The following PIBF1 variants were observed in gnomAD, a reference collection of about 807,000 sequenced individuals.
PIBF1 encodes the protein progesterone immunomodulatory binding factor 1.
PIBF1 carries 90 observed loss-of-function variants against 112.5 expected under a neutral mutation model. That is an observed-to-expected ratio of 0.80 (90% CI 0.67 to 0.95). PIBF1 has a LOEUF of 0.95. Among genes scored for constraint, PIBF1 ranks in the 40% least tolerant of loss-of-function variants. The pLI, the probability that PIBF1 is intolerant of heterozygous loss-of-function variation, is 0.00. For missense variants in PIBF1, 915 were observed against 852.3 expected (o/e 1.07, Z -0.92); for synonymous variants, 301 against 288.6 (o/e 1.04, Z -0.44).
chr13:72,819,914 C>T (rs764059680), intron 5 of PIBF1, among the ~76,000 whole-genome samples: 11 of 151,936 alleles, frequency 7.2e-5, no homozygotes, highest in South Asian at 2.1e-4. Context: ...ATTGTTTCTG[C>T]GAATACTCCT....
At chr13:72,786,305 T>C (rs1304364028) in intron 2 of PIBF1, among the ~76,000 whole-genome samples, 1 of 152,206 alleles carries the variant, frequency 6.6e-6, no homozygotes, top group Non-Finnish European at 1.5e-5. Context: ...TGACACATAA[T>C]CATCATTGAT....
chr13:72,892,161 T>G (rs2040083100), intron 10 of PIBF1, among the ~76,000 whole-genome samples: 1 of 152,080 alleles, frequency 6.6e-6, no homozygotes, highest in Non-Finnish European at 1.5e-5. Context: ...AAGAGTGAAT[T>G]TTATGGTATA....
intron 16 of PIBF1, among the ~76,000 whole-genome samples, chr13:72,993,406 A>G (rs2043542873): frequency 6.6e-6 from 1 of 152,214 alleles, no homozygotes; most frequent in Non-Finnish European, 1.5e-5. Context: ...AATAAAGTAT[A>G]AGTAAAACTG....
chr13:72,879,972 A>G (rs537415105), intron 10 of PIBF1, among the ~76,000 whole-genome samples: 1 of 152,190 alleles, frequency 6.6e-6, no homozygotes, highest in African/African-American at 2.4e-5. Context: ...TTGGCCCACA[A>G]AGCCTAAAAT....
intron 10 of PIBF1, among the ~76,000 whole-genome samples, chr13:72,865,179 T>C (rs898377874): frequency 6.6e-6 from 1 of 152,172 alleles, no homozygotes; most frequent in African/African-American, 2.4e-5. Flanking sequence ...ATATATGATG[T>C]ATCCTAGATA....
chr13:72,875,444 G>A lies in PIBF1; in HGVS notation c.1323-18340G>A, dbSNP rs1254929898. ...AAGAGTGTGATCTTATGGTAAGAGT[G>A]CTTAGTTTTGTAAGAAACCACGAAA... is the stretch of plus-strand genomic sequence containing the variant. On this transcript the variant is annotated intron_variant, in intron 10 of 17. Coordinates refer to ENST00000326291, the MANE Select transcript of PIBF1 (RefSeq NM_006346.4). 6.6e-5 allele frequency among the ~76,000 whole-genome samples: 10 copies of A among 152,038 alleles called. No individual in the cohort carries two copies. In the East Asian group the frequency reaches 1.5e-3, roughly 23 times the overall value.
chr13:72,822,172 A>T (rs1023893150), intron 6 of PIBF1, among the ~76,000 whole-genome samples, 190 bp downstream of exon 6: 8 of 152,104 alleles, frequency 5.3e-5, no homozygotes, highest in African/African-American at 1.7e-4. Flanking sequence ...TTTTATTTAG[A>T]TGTCACTGCT....
intron 5 of PIBF1, among the ~76,000 whole-genome samples, chr13:72,807,362 G>A (rs1165930989): frequency 2.0e-5 from 3 of 152,136 alleles, no homozygotes; most frequent in Non-Finnish European, 4.4e-5. Context: ...ATCACCTGAT[G>A]TCAAGAGTTT....
At chr13:72,897,702 G>T (rs758046741) in intron 11 of PIBF1, among the ~76,000 whole-genome samples, 17 of 152,202 alleles carry the variant, frequency 1.1e-4, no homozygotes, top group Non-Finnish European at 2.2e-4. Flanking sequence ...AGCAACAGTG[G>T]TTAAAAGAGA....
intron 8 of PIBF1, among the ~76,000 whole-genome samples, chr13:72,830,647 T>G (rs2037061955): frequency 2.0e-5 from 3 of 152,210 alleles, no homozygotes. Context: ...GTGGATAAGC[T>G]TTTTCATGTG....
At chr13:72,865,499 A>ATCTATCAT (rs1321464816) in intron 10 of PIBF1, among the ~76,000 whole-genome samples, 1 of 152,196 alleles carries the variant, frequency 6.6e-6, no homozygotes, top group Non-Finnish European at 1.5e-5. Context: ...TCAGTGGCCA[A>ATCTATCAT]TCTATCTACT....
intron 12 of PIBF1, among the ~76,000 whole-genome samples, chr13:72,914,845 G>A (rs1294590177): frequency 6.6e-6 from 1 of 152,120 alleles, no homozygotes; most frequent in Non-Finnish European, 1.5e-5. Context: ...CTCCCAAAAC[G>A]CTGGGATTAT....
At chr13:72,959,069 G>A (rs2042535397) in intron 14 of PIBF1, among the ~76,000 whole-genome samples, 1 of 152,096 alleles carries the variant, frequency 6.6e-6, no homozygotes, top group Non-Finnish European at 1.5e-5. Context: ...CGTGATCTCG[G>A]CTCACTGCAA....
rs190550853 is a variant in PIBF1 at position 72,928,570 on chromosome 13, G to T, written c.1731-2595G>T. Reference sequence around the variant, plus strand: ...TTCTCCTGCCTCAGCCTCCTCAGTTGCTGGGATTACAGGCGCCTGCCACCA... The same window carrying T: ...TTCTCCTGCCTCAGCCTCCTCAGTTTCTGGGATTACAGGCGCCTGCCACCA... On this transcript the variant is annotated intron_variant, in intron 13 of 17. Transcript: ENST00000326291. Among the ~76,000 whole-genome samples, 127 of 152,272 alleles carry T rather than the reference G, an allele frequency of 8.3e-4. 1 individual carries two copies. The highest frequency in any genetic ancestry group is 2.1e-4 in the Non-Finnish European group (14 of 68,014).
chr13:72,853,484 T>C (rs2038265203), intron 9 of PIBF1, among the ~76,000 whole-genome samples: 1 of 152,214 alleles, frequency 6.6e-6, no homozygotes, highest in Non-Finnish European at 1.5e-5. Flanking sequence ...CTTGTACAAC[T>C]ATTACACTTT....
At chr13:72,886,621 T>C (rs1340550352) in intron 10 of PIBF1, among the ~76,000 whole-genome samples, 1 of 152,074 alleles carries the variant, frequency 6.6e-6, no homozygotes, top group Non-Finnish European at 1.5e-5. Flanking sequence ...ATGTTGTTTA[T>C]TTTATTAATG....
chr13:73,003,095 C>T (rs1011113130), intron 17 of PIBF1, among the ~76,000 whole-genome samples: 10 of 147,954 alleles, frequency 6.8e-5, no homozygotes, highest in African/African-American at 1.5e-4. Context: ...GGTGAGTTTA[C>T]GACGTAGTTC....
chr13:72,966,833 G>A (rs1315682740), intron 15 of PIBF1, among the ~76,000 whole-genome samples: 3 of 151,898 alleles, frequency 2.0e-5, no homozygotes, highest in Admixed American at 6.6e-5. Flanking sequence ...CGCTTGAACC[G>A]GGGAGACGGA....
At chr13:72,823,081 G>A (rs897691499) in intron 6 of PIBF1, among the ~76,000 whole-genome samples, 8 of 152,088 alleles carry the variant, frequency 5.3e-5, no homozygotes, top group African/African-American at 1.9e-4. Context: ...GTGGCAGAGT[G>A]AAACTTCATC....
Sources: allele counts gnomAD v4.1 joint callset (sites outside exome capture counted in the v4.1 genomes callset), GRCh38; gene constraint gnomAD v4.1.1; transcripts MANE v1.5; gene names NCBI Gene and HGNC (gene_info 2026-07-23, HGNC 2026-07-21).